The following CEP350 variants were observed in gnomAD, a reference collection of about 807,000 sequenced individuals.
CEP350 encodes the protein centrosome-associated protein 350.
Under a neutral mutation model 331.8 loss-of-function variants are expected in CEP350, and 126 were observed. The observed-to-expected ratio is 0.38, with a 90% confidence interval of 0.33 to 0.44. CEP350 has a LOEUF of 0.44. Ranked by LOEUF, CEP350 falls within the 20% of genes least tolerant of loss-of-function variation. CEP350 has a pLI of 1.00. For missense variants in CEP350, 3,406 were observed against 3,634.6 expected (o/e 0.94, Z 1.62); for synonymous variants, 1,200 against 1,259.5 (o/e 0.95, Z 1.00).
At chr1:179,965,106 T>G (rs758975175) in intron 1 of CEP350, among the ~76,000 whole-genome samples, 5 of 152,312 alleles carry the variant, frequency 3.3e-5, no homozygotes, top group Non-Finnish European at 1.5e-5. Context: ...TGTTTCTCTA[T>G]TTTCATTTGT....
intron 1 of CEP350, among the ~76,000 whole-genome samples, chr1:179,957,599 A>G (rs930576835): frequency 9.2e-5 from 14 of 152,226 alleles, no homozygotes; most frequent in African/African-American, 3.4e-4. Context: ...TTGACTAAAG[A>G]ATAGTCCCAG....
chr1:179,991,707 G>GTGTGTGTATATA lies in CEP350; in HGVS notation c.236-354_236-353insGTGTGTATATAT, dbSNP rs1385981536. Among the ~76,000 whole-genome samples the GTGTGTGTATATA allele has an allele frequency of 8.4e-3, 812 of 96,866 alleles. 4 individuals are homozygous for GTGTGTGTATATA. The highest frequency in any genetic ancestry group is 9.6e-3 in the African/African-American group (253 of 26,248). 63.5% of individuals were successfully genotyped at this position (96,866 alleles called of 152,430 possible). On this transcript the variant is annotated intron_variant, in intron 4 of 37. Coordinates refer to ENST00000367607, the MANE Select transcript of CEP350 (RefSeq NM_014810.5). ...TGTGTGTGTGTGTGTGTGTGTGTGT[G>GTGTGTGTATATA]TATATATATATATATATACATTTTT...
intron 3 of CEP350, among the ~76,000 whole-genome samples, chr1:179,989,217 C>T (rs922220814): frequency 1.3e-5 from 2 of 151,898 alleles, no homozygotes; most frequent in African/African-American, 2.4e-5. Flanking sequence ...CTTTGGGAGG[C>T]TGAGGCACGT....
At chr1:180,058,547 CTTCT>C (rs1343126579) in intron 25 of CEP350, among the ~76,000 whole-genome samples, 2 of 152,134 alleles carry the variant, frequency 1.3e-5, no homozygotes, top group African/African-American at 4.8e-5. Flanking sequence ...AAATGATACA[CTTCT>C]GGGGAAGAGA....
chr1:180,014,986 T>C (rs1361008199), intron 10 of CEP350, among the ~76,000 whole-genome samples: 2 of 151,876 alleles, frequency 1.3e-5, no homozygotes, highest in African/African-American at 2.4e-5. Flanking sequence ...TGAAATATGC[T>C]AAAGAAAATA....
At position 180,112,766 on chromosome 1, in the gene CEP350, GT is replaced by G. The variant is rs536642218; in HGVS notation, c.*1608del. The G allele has an allele frequency of 2.0e-4, 30 of 152,702 alleles. No individual in the cohort carries two copies. The highest frequency in any genetic ancestry group is 7.2e-4 in the African/African-American group (30 of 41,546). The allele number at this position is 152,702 out of a possible 1,614,324, so 9.5% of individuals were successfully genotyped here. ...GTATAATCTTTAAGTGTGCACGTTC[GT>G]TTATTTCTGCATCTTCCCTCCAAAC... is the stretch of plus-strand genomic sequence containing the variant. On this transcript the variant is annotated 3_prime_UTR_variant, in exon 38 of 38. Coordinates refer to ENST00000367607, the MANE Select transcript of CEP350 (RefSeq NM_014810.5).
intron 21 of CEP350, among the ~76,000 whole-genome samples, chr1:180,047,937 T>G (rs1657240128): frequency 6.6e-6 from 1 of 152,118 alleles, no homozygotes; most frequent in African/African-American, 2.4e-5. Context: ...ATTTAACATT[T>G]AATTTTGACA....
At chr1:180,086,593 G>A (rs1164451632) in intron 31 of CEP350, among the ~76,000 whole-genome samples, 5 of 151,344 alleles carry the variant, frequency 3.3e-5, no homozygotes, top group Non-Finnish European at 5.9e-5. Context: ...AAAATCTATT[G>A]GATTTTATTT....
At chr1:180,105,663 T>C (rs757687500) in intron 37 of CEP350, among the ~76,000 whole-genome samples, 1 of 152,216 alleles carries the variant, frequency 6.6e-6, no homozygotes, top group South Asian at 2.1e-4. Context: ...CTTCATTTTG[T>C]TAATGTGGTG....
At chr1:179,977,851 C>T (rs890715877) in intron 1 of CEP350, among the ~76,000 whole-genome samples, 1 of 151,698 alleles carries the variant, frequency 6.6e-6, no homozygotes, top group Non-Finnish European at 1.5e-5. Flanking sequence ...AACAAATATA[C>T]AGCTGTACAG....
chr1:180,029,023 T>A (rs1449540368), intron 14 of CEP350, among the ~76,000 whole-genome samples: 1 of 152,182 alleles, frequency 6.6e-6, no homozygotes, highest in Non-Finnish European at 1.5e-5. Flanking sequence ...CATCCCCAAG[T>A]TCTAAAATCA....
At position 179,986,206 on chromosome 1, in the gene CEP350, G is replaced by T. The variant is rs987336316; in HGVS notation, c.25G>T (p.Val9Leu). MRSSKSKEVPLPNPRNSQS... is the reference protein window; with the variant it reads MRSSKSKELPLPNPRNSQS... ...GATGAGGAGCAGCAAATCAAAAGAG[G>T]TGCCTTTACCAAATCCAAGGAACTC... is the stretch of plus-strand genomic sequence containing the variant. Residue 9 changes from valine (V) to leucine (L), a missense_variant, in exon 2 of 38, where the codon GTG becomes TTG. Physicochemically the swap from Val to Leu is conservative, Grantham distance 32 (BLOSUM62 1). Coordinates refer to ENST00000367607, the MANE Select transcript of CEP350 (RefSeq NM_014810.5). The T allele has an allele frequency of 1.6e-5, 25 of 1,551,444 alleles. 1 individual carries two copies. In the Admixed American group the frequency reaches 4.1e-4, roughly 26 times the overall value.
At chr1:179,961,224 T>A (rs571488539) in intron 1 of CEP350, among the ~76,000 whole-genome samples, 1 of 152,204 alleles carries the variant, frequency 6.6e-6, no homozygotes, top group East Asian at 1.9e-4. Context: ...GGTAGGCAGA[T>A]CATTTGAGGT....
Position 179,972,907 on chromosome 1 carries a change from C to T in CEP350, c.-13-13262C>T, listed in dbSNP as rs1651561824. 2.8e-5 allele frequency among the ~76,000 whole-genome samples: 4 copies of T among 145,400 alleles called. No individual in the cohort carries two copies. In the South Asian group the frequency reaches 8.8e-4, roughly 32 times the overall value. ...TTTTTGAAACAGAGTCTCATTCTGT[C>T]GCCAGGCTGGAGTGCAGTGGCATGA... On this transcript the variant is annotated intron_variant, in intron 1 of 37. Transcript: ENST00000367607.
chr1:180,028,572 T>C (rs940901421), intron 14 of CEP350, among the ~76,000 whole-genome samples: 1 of 152,048 alleles, frequency 6.6e-6, no homozygotes, highest in Non-Finnish European at 1.5e-5. Flanking sequence ...GGTGGATCGT[T>C]TGATGCAGGA....
At chr1:180,082,976 A>G (rs1659666209) in intron 30 of CEP350, among the ~76,000 whole-genome samples, 1 of 152,198 alleles carries the variant, frequency 6.6e-6, no homozygotes, top group Non-Finnish European at 1.5e-5. Context: ...ACTCAGTGTC[A>G]TAGAAGTGAC....
intron 36 of CEP350, among the ~76,000 whole-genome samples, chr1:180,098,216 G>A (rs984746421): frequency 2.6e-5 from 4 of 151,892 alleles, no homozygotes; most frequent in African/African-American, 9.7e-5. Flanking sequence ...GTGATCCGCC[G>A]CCTTGGCCTT....
rs560345022 is a variant in CEP350 at position 180,111,224 on chromosome 1, T to C, written c.*63T>C. The C allele has an allele frequency of 1.3e-6, 2 of 1,573,092 alleles. No homozygotes were observed. Among genetic ancestry groups the C allele is most frequent in the African/African-American group, 2.7e-5 (2 of 74,308 alleles). ...AGTCCTGGGCCTTTCTGCCTCCTGA[T>C]GTACACCCATCGCCATCATAGCAAG... is the stretch of plus-strand genomic sequence containing the variant. On this transcript the variant is annotated 3_prime_UTR_variant, in exon 38 of 38. Transcript: ENST00000367607.
intron 26 of CEP350, 92 bp from the exon 27 acceptor site, chr1:180,065,023 T>C: frequency 7.7e-7 from 1 of 1,296,128 alleles, no homozygotes; most frequent in Non-Finnish European, 1.0e-6. Context: ...AAACATTGTA[T>C]TGTGGATAAA....
Sources: gnomAD v4.1 joint callset for allele counts (sites outside exome capture counted in the v4.1 genomes callset) on GRCh38, gnomAD v4.1.1 for gene constraint, MANE v1.5 for transcripts, NCBI Gene and HGNC (gene_info 2026-07-23, HGNC 2026-07-21) for gene names.